The following PSD3 variants were observed in gnomAD, a reference collection of about 807,000 sequenced individuals.
PSD3 encodes the protein PH and SEC7 domain-containing protein 3.
PSD3 carries 49 observed loss-of-function variants against 105.5 expected under a neutral mutation model. The ratio of observed to expected loss-of-function variants is 0.46; its 90% CI spans 0.37 to 0.59. The LOEUF is 0.59. PSD3 is among the 20% of genes least tolerant of loss of function. PSD3 has a pLI of 0.00. For missense variants in PSD3, 1,561 were observed against 1,263.8 expected, an observed-to-expected ratio of 1.24 and a Z score of -3.57; for synonymous variants, 557 against 457.8, an observed-to-expected ratio of 1.22 and a Z score of -2.77.
At chr8:18,647,391 A>G (rs1808118268) in intron 10 of PSD3, among the ~76,000 whole-genome samples, 2 of 152,244 alleles carry the variant, frequency 1.3e-5, no homozygotes, top group South Asian at 2.1e-4. Context: ...TAGCAAATAC[A>G]GCAAATGTTT....
intron 10 of PSD3, among the ~76,000 whole-genome samples, chr8:18,646,438 T>C (rs1467493083): frequency 6.6e-6 from 1 of 152,140 alleles, no homozygotes; most frequent in African/African-American, 2.4e-5. Context: ...GAAAACCAAA[T>C]AATTTTATGT....
At chr8:18,675,408 A>C (rs565041386) in intron 9 of PSD3, among the ~76,000 whole-genome samples, 5 of 152,182 alleles carry the variant, frequency 3.3e-5, no homozygotes, top group African/African-American at 1.2e-4. Context: ...ATTTACTGGA[A>C]TCAAACACAC....
At chr8:18,778,775 A>G (rs574920659) in intron 8 of PSD3, among the ~76,000 whole-genome samples, 3 of 152,198 alleles carry the variant, frequency 2.0e-5, no homozygotes, top group African/African-American at 7.2e-5. Flanking sequence ...TTTACATATA[A>G]TAAACCATCC....
chr8:18,947,572 C>T (rs1586499120), intron 1 of PSD3, among the ~76,000 whole-genome samples: 1 of 152,114 alleles, frequency 6.6e-6, no homozygotes, highest in African/African-American at 2.4e-5. Context: ...TGGCGGGGGG[C>T]CCAGAGCAGA....
intron 6 of PSD3, 96 bp downstream of exon 6, chr8:18,804,422 TAAAA>T: frequency 1.1e-6 from 1 of 937,986 alleles, no homozygotes; most frequent in Non-Finnish European, 1.5e-6. Context: ...CATGGAGGTT[TAAAA>T]AAAAAAAATA....
chr8:19,003,639 A>G (rs1826516050), intron 1 of PSD3, among the ~76,000 whole-genome samples: 1 of 151,876 alleles, frequency 6.6e-6, no homozygotes, highest in African/African-American at 2.4e-5. Flanking sequence ...AGAGGAGGGA[A>G]GAAGGAGGGA....
chr8:18,646,217 C>A (rs1213254363), intron 10 of PSD3, among the ~76,000 whole-genome samples: 1 of 152,094 alleles, frequency 6.6e-6, no homozygotes, highest in Non-Finnish European at 1.5e-5. Context: ...AAATTACTTT[C>A]ATTTTAAAGT....
At chr8:18,815,055 G>T (rs949554839) in intron 4 of PSD3, among the ~76,000 whole-genome samples, 4 of 152,114 alleles carry the variant, frequency 2.6e-5, no homozygotes, top group African/African-American at 9.7e-5. Context: ...TAGTGCACAG[G>T]TAAAATATAC....
chr8:19,022,864 C>T (rs201740408), intron 1 of PSD3, among the ~76,000 whole-genome samples: 2 of 143,694 alleles, frequency 1.4e-5, no homozygotes, highest in African/African-American at 2.6e-5. Flanking sequence ...TCTCAGGACC[C>T]TTTTTTTTTT....
At chr8:19,032,842 A>C (rs1029434006) in intron 1 of PSD3, among the ~76,000 whole-genome samples, 4 of 152,174 alleles carry the variant, frequency 2.6e-5, no homozygotes, top group African/African-American at 9.7e-5. Flanking sequence ...TATAAGTTGA[A>C]TATGCTCATA....
intron 10 of PSD3, among the ~76,000 whole-genome samples, chr8:18,655,059 C>A (rs760280089): frequency 6.6e-6 from 1 of 152,026 alleles, no homozygotes; most frequent in Non-Finnish European, 1.5e-5. Context: ...CGTGGTCGCT[C>A]ACTCCTGTAA....
At chr8:19,079,628 T>C (rs1453998909) in intron 1 of PSD3, among the ~76,000 whole-genome samples, 1 of 152,156 alleles carries the variant, frequency 6.6e-6, no homozygotes, top group Admixed American at 6.5e-5. Flanking sequence ...GGAGTCAATG[T>C]TCAACTCGTA....
intron 13 of PSD3, among the ~76,000 whole-genome samples, chr8:18,573,819 G>T (rs541268306): frequency 5.6e-4 from 85 of 152,244 alleles, no homozygotes; most frequent in African/African-American, 1.9e-3. Flanking sequence ...AAATGCGCAC[G>T]GGGATCTCTT....
chr8:18,952,317 T>A (rs1823290507), intron 1 of PSD3, among the ~76,000 whole-genome samples: 1 of 152,190 alleles, frequency 6.6e-6, no homozygotes, highest in Non-Finnish European at 1.5e-5. Flanking sequence ...TGATAAACTG[T>A]TAACTTTAAG....
chr8:18,629,578 A>C (rs1291593755), intron 11 of PSD3, among the ~76,000 whole-genome samples: 1 of 151,990 alleles, frequency 6.6e-6, no homozygotes, highest in Non-Finnish European at 1.5e-5. Flanking sequence ...TCTGCAAAGA[A>C]TAACACTAAG....
rs1208797179 is a variant in PSD3 at position 19,056,396 on chromosome 8, C to T, written c.324+27810G>A. Among the ~76,000 whole-genome samples the T allele has an allele frequency of 2.6e-5, 4 of 152,116 alleles. No individual in the cohort carries two copies. The South Asian group carries it at 8.3e-4, about 31-fold the overall frequency. The stretch of plus-strand genomic sequence containing the variant: ...CTGTTCCTTTCAGTAGAAGAGAAGT[C>T]AGAGTTTTGACACGTTGTACAATTA... On this transcript the variant is annotated intron_variant, in intron 1 of 1. Coordinates refer to the PSD3 transcript ENST00000521475.
intron 4 of PSD3, among the ~76,000 whole-genome samples, chr8:18,831,123 G>A (rs1472837070): frequency 7.4e-6 from 1 of 135,428 alleles, no homozygotes; most frequent in Non-Finnish European, 1.5e-5. Flanking sequence ...AATGGGGTAG[G>A]AGTGCACCTA....
In PSD3 at chr8:18,844,853, G is replaced by A. The variant is rs569357995; in HGVS notation, c.1634+22821C>T. Among the ~76,000 whole-genome samples the A allele has an allele frequency of 2.0e-5, 3 of 152,196 alleles. No homozygotes were observed. The South Asian group carries it at 6.2e-4, about 32-fold the overall frequency. On this transcript the variant is annotated intron_variant, in intron 4 of 15. Coordinates refer to ENST00000327040, the MANE Select transcript of PSD3 (RefSeq NM_015310.4). ...GCTACTCTGCATAGCATTTACTTTG[G>A]GTATAAAGAAAATGACATCACTACA... is the stretch of plus-strand genomic sequence containing the variant.
rs148660650 is a variant in PSD3, at chr8:18,685,278, A to C, written c.2173-29593T>G. ...AAAAATGGTTTAAAGTAATTCTTAA[A>C]CTTTAATTACTAAAGTTATGTTTTA... is the stretch of plus-strand genomic sequence containing the variant. On this transcript the variant is annotated intron_variant, in intron 9 of 15. Coordinates refer to ENST00000327040, the MANE Select transcript of PSD3 (RefSeq NM_015310.4). Among the ~76,000 whole-genome samples, 113 of 152,274 alleles carry C rather than the reference A, an allele frequency of 7.4e-4. No homozygotes were observed. The East Asian group carries it at 0.02, about 27-fold the overall frequency.
Sources: allele counts gnomAD v4.1 joint callset (sites outside exome capture counted in the v4.1 genomes callset), GRCh38; gene constraint gnomAD v4.1.1; transcripts MANE v1.5; gene names NCBI Gene and HGNC (gene_info 2026-07-23, HGNC 2026-07-21).